The following MYO16 variants were observed in gnomAD, a reference collection of about 807,000 sequenced individuals.
MYO16 encodes the protein unconventional myosin-XVI.
A neutral mutation model predicts 205.3 loss-of-function variants in MYO16; 94 were observed. The observed-to-expected ratio is 0.46, with a 90% confidence interval of 0.39 to 0.54. The LOEUF (loss-of-function observed/expected upper bound fraction) is 0.54, where lower values mean the gene tolerates loss of function less well. Ranked by LOEUF, MYO16 falls within the 20% of genes least tolerant of loss-of-function variation. The probability of loss-of-function intolerance (pLI) is 0.00; values close to 1 mark genes in which losing one functional copy is unlikely to be tolerated. For missense variants in MYO16, 2,315 were observed against 2,387.5 expected (o/e 0.97, Z 0.63); for synonymous variants, 988 against 954.0 (o/e 1.04, Z -0.66).
chr13:108,793,315 A>G (rs959303996), intron 5 of MYO16, among the ~76,000 whole-genome samples: 1 of 151,936 alleles, frequency 6.6e-6, no homozygotes, highest in African/African-American at 2.4e-5. Context: ...ACATAACAAG[A>G]GATAATTTTA....
At chr13:108,861,588 T>C (rs1878451996) in intron 11 of MYO16, among the ~76,000 whole-genome samples, 1 of 152,196 alleles carries the variant, frequency 6.6e-6, no homozygotes, top group Admixed American at 6.6e-5. Flanking sequence ...TACAACCCAA[T>C]TGCTTTTGAC....
chr13:108,586,966 G>A, the MYO16 span, among the ~76,000 whole-genome samples: 1 of 152,158 alleles, frequency 6.6e-6, no homozygotes, highest in Non-Finnish European at 1.5e-5. Context: ...AACACCAGCG[G>A]TTCACTCTAG....
At chr13:109,079,531 A>G (rs9559487) in intron 27 of MYO16, among the ~76,000 whole-genome samples, 72,941 of 151,754 alleles carry the variant, frequency 0.48, 17,746 homozygotes, top group Middle Eastern at 0.55. Flanking sequence ...ACCAAATACC[A>G]TGTGTTACCG....
At chr13:108,960,466 C>T (rs185685037) in intron 17 of MYO16, among the ~76,000 whole-genome samples, 40 of 152,168 alleles carry the variant, frequency 2.6e-4, no homozygotes, top group Non-Finnish European at 3.8e-4. Flanking sequence ...AATTAGAGAT[C>T]ATTCTTTTCA....
chr13:108,858,701 A>C (rs988876429), intron 11 of MYO16, among the ~76,000 whole-genome samples: 1 of 152,142 alleles, frequency 6.6e-6, no homozygotes, highest in Admixed American at 6.6e-5. Flanking sequence ...GTCTATTCTC[A>C]ACACAAAAAT....
At chr13:108,874,448 G>C (rs1486188795) in intron 12 of MYO16, among the ~76,000 whole-genome samples, 1 of 152,140 alleles carries the variant, frequency 6.6e-6, no homozygotes, top group Non-Finnish European at 1.5e-5. Flanking sequence ...TTACATGGCA[G>C]AACTGCCTCA....
At chr13:108,549,060 A>G in the MYO16 span, among the ~76,000 whole-genome samples, 1 of 152,184 alleles carries the variant, frequency 6.6e-6, no homozygotes, top group African/African-American at 2.4e-5. Flanking sequence ...AGGGATTTGG[A>G]GAGAATCTTA....
At chr13:108,925,432 G>A (rs564736194) in intron 16 of MYO16, among the ~76,000 whole-genome samples, 14 of 152,234 alleles carry the variant, frequency 9.2e-5, no homozygotes, top group Admixed American at 6.5e-4. Flanking sequence ...AATTATTGAC[G>A]GTGGGGCCAG....
intron 6 of MYO16, among the ~76,000 whole-genome samples, chr13:108,795,476 G>C (rs1886761393): frequency 6.6e-6 from 1 of 152,088 alleles, no homozygotes; most frequent in Non-Finnish European, 1.5e-5. Flanking sequence ...CCAAAGTGCT[G>C]GGATTACAGG....
chr13:108,611,996 G>A (rs756441663), intron 1 of MYO16, among the ~76,000 whole-genome samples: 1 of 113,980 alleles, frequency 8.8e-6, no homozygotes, highest in Non-Finnish European at 1.7e-5. Flanking sequence ...TTTTTTTTGA[G>A]ACGGAGTCTC....
chr13:109,103,515 T>G (rs1566507669), intron 28 of MYO16, among the ~76,000 whole-genome samples: 1 of 152,248 alleles, frequency 6.6e-6, no homozygotes, highest in African/African-American at 2.4e-5. Flanking sequence ...AATTATATTT[T>G]GCTGTGTTAA....
intron 3 of MYO16, among the ~76,000 whole-genome samples, chr13:108,717,761 T>C (rs896121820): frequency 7.3e-5 from 11 of 151,440 alleles, no homozygotes; most frequent in Non-Finnish European, 1.2e-4. Flanking sequence ...AAAGAGAGAA[T>C]CCTTTTAACA....
At chr13:108,901,585 T>A (rs972025407) in intron 15 of MYO16, among the ~76,000 whole-genome samples, 1 of 152,240 alleles carries the variant, frequency 6.6e-6, no homozygotes, top group Non-Finnish European at 1.5e-5. Flanking sequence ...TTTTCTCTTA[T>A]GGAAATGGCA....
At chr13:109,113,290 G>T (rs56391373) in intron 28 of MYO16, among the ~76,000 whole-genome samples, 24,208 of 150,384 alleles carry the variant, frequency 0.16, 2,026 homozygotes, top group Middle Eastern at 0.18. Flanking sequence ...TAGAGGGAAG[G>T]TGAGGGAGGG....
rs1246607425 is a variant in MYO16, at chr13:109,089,253, C to T, written c.3336-11532C>T. On this transcript the variant is annotated intron_variant, in intron 27 of 34. Transcript: ENST00000457511. ...ATTTGAGATGGAGTCTCGCCCTGTC[C>T]CCCAGGCTGGAGTGCAGTGGCATGA... Among the ~76,000 whole-genome samples the T allele has an allele frequency of 2.6e-5, 4 of 151,144 alleles. No homozygotes were observed. The South Asian group carries it at 6.3e-4, about 24-fold the overall frequency.
At chr13:108,730,360 A>C (rs893920031) in intron 4 of MYO16, among the ~76,000 whole-genome samples, 4 of 152,082 alleles carry the variant, frequency 2.6e-5, no homozygotes, top group Admixed American at 6.5e-5. Context: ...AGTCAGTTAA[A>C]CCTCTTTTCT....
chr13:108,910,157 G>T lies in MYO16; in HGVS notation c.1925+7G>T. On this transcript the variant is annotated splice_region_variant and intron_variant, in intron 16 of 34. Coordinates refer to ENST00000457511, the MANE Select transcript of MYO16 (RefSeq NM_001198950.3). Reference sequence around the variant, plus strand: ...ATAATTTATGTGCACACCGGTGAGTGACTAAGTATTTTGTATCTAAAAGCT... The same window carrying T: ...ATAATTTATGTGCACACCGGTGAGTTACTAAGTATTTTGTATCTAAAAGCT... 6.2e-7 allele frequency: 1 copy of T among 1,608,414 alleles called. No homozygotes were observed. Among genetic ancestry groups the T allele is most frequent in the South Asian group, 1.1e-5 (1 of 90,384 alleles).
chr13:108,532,293 T>C, the MYO16 span, among the ~76,000 whole-genome samples: 1 of 151,902 alleles, frequency 6.6e-6, no homozygotes. Flanking sequence ...GGTAATTAGC[T>C]GTGTAAGATC....
At chr13:109,047,474 G>A (rs902843656) in intron 24 of MYO16, among the ~76,000 whole-genome samples, 16 of 152,142 alleles carry the variant, frequency 1.1e-4, no homozygotes, top group Non-Finnish European at 1.5e-4. Context: ...ACACAAGTAA[G>A]TTTAAATGTA....
Sources: gnomAD v4.1 joint callset for allele counts (sites outside exome capture counted in the v4.1 genomes callset) on GRCh38, gnomAD v4.1.1 for gene constraint, MANE v1.5 for transcripts, NCBI Gene and HGNC (gene_info 2026-07-23, HGNC 2026-07-21) for gene names.